The following RGSL1 variants were observed in gnomAD, a reference collection of about 807,000 sequenced individuals.
RGSL1 encodes regulator of G protein signaling like 1.
RGSL1 carries 97 observed loss-of-function variants against 124.7 expected under a neutral mutation model. The ratio of observed to expected loss-of-function variants is 0.78; its 90% CI spans 0.66 to 0.92. The LOEUF (loss-of-function observed/expected upper bound fraction) is 0.92. Among genes scored for constraint, RGSL1 ranks in the 40% least tolerant of loss-of-function variants. The pLI is 0.00. For missense variants in RGSL1, 1,233 were observed against 1,288.4 expected (o/e 0.96, Z 0.66); for synonymous variants, 424 against 438.1 (o/e 0.97, Z 0.40).
intron 2 of RGSL1, among the ~76,000 whole-genome samples, chr1:182,454,809 C>G (rs2101981180): frequency 1.3e-5 from 2 of 152,270 alleles, no homozygotes; most frequent in South Asian, 4.1e-4. Context: ...TTCTTAAACT[C>G]AAACCTGGAC....
rs1423343158 is a variant in RGSL1, at chr1:182,461,260, T to C, written c.301+1127T>C. Among the ~76,000 whole-genome samples the C allele has an allele frequency of 1.1e-4, 16 of 151,796 alleles. 1 individual carries two copies. Among genetic ancestry groups the C allele is most frequent in the Non-Finnish European group, 2.4e-4 (16 of 67,994 alleles). ...GAAAGTTGCAGGCTCAGAAAAGATA[T>C]AGGGAGATAAATTTATGCCTCAGGC... is the stretch of plus-strand genomic sequence containing the variant. On this transcript the variant is annotated intron_variant, in intron 4 of 21. Coordinates refer to ENST00000294854, the MANE Select transcript of RGSL1 (RefSeq NM_001137669.2).
chr1:182,463,658 C>T (rs1388768374), intron 4 of RGSL1, among the ~76,000 whole-genome samples: 1 of 151,958 alleles, frequency 6.6e-6, no homozygotes, highest in Non-Finnish European at 1.5e-5. Flanking sequence ...TTCAACATAT[C>T]AAGATGTAAC....
intron 6 of RGSL1, among the ~76,000 whole-genome samples, chr1:182,486,377 C>T (rs899886261): frequency 6.7e-6 from 1 of 148,184 alleles, no homozygotes; most frequent in African/African-American, 2.5e-5. Flanking sequence ...GTAGCACGAT[C>T]TTGGTTCACT....
chr1:182,545,773 T>C (rs75971453), intron 15 of RGSL1, among the ~76,000 whole-genome samples: 2,054 of 152,298 alleles, frequency 0.013, 38 homozygotes, highest in Middle Eastern at 0.071. Context: ...TGGTTTCCAT[T>C]GAGAAGTCTG....
chr1:182,556,632 T>C (rs965833654), intron 21 of RGSL1, among the ~76,000 whole-genome samples: 1 of 152,206 alleles, frequency 6.6e-6, no homozygotes, highest in Non-Finnish European at 1.5e-5. Context: ...GAACACACCA[T>C]TTCTGATTTT....
chr1:182,532,759 A>G lies in RGSL1; in HGVS notation c.2462A>G (p.Tyr821Cys), dbSNP rs367804901. ...AGTAAGCGCCAGGAATTTGAAGACTATCTTCACCAGGAAATGCAAAATAGC... is the reference window on the plus strand; with the variant it reads ...AGTAAGCGCCAGGAATTTGAAGACTGTCTTCACCAGGAAATGCAAAATAGC... ...NPSKRQEFED[Y>C]LHQEMQNSKE... Residue 821 changes from tyrosine (Y) to cysteine (C), a missense_variant, in exon 14 of 22, where the codon TAT (tyrosine) becomes TGT (cysteine). Coordinates refer to ENST00000294854, the MANE Select transcript of RGSL1 (RefSeq NM_001137669.2). 98 of 1,550,712 alleles carry G rather than the reference A, an allele frequency of 6.3e-5. 1 individual carries two copies. The highest frequency in any genetic ancestry group is 1.4e-4 in the Admixed American group (7 of 50,966).
In RGSL1 at chr1:182,560,394, T is replaced by C. The variant is rs1014080496; in HGVS notation, c.*281T>C. The C allele has an allele frequency of 1.3e-5, 2 of 152,204 alleles. No homozygotes were observed. Among genetic ancestry groups the C allele is most frequent in the African/African-American group, 4.8e-5 (2 of 41,434 alleles). 9.4% of individuals were successfully genotyped at this position (152,204 alleles called of 1,614,324 possible). On this transcript the variant is annotated 3_prime_UTR_variant, in exon 22 of 22. Coordinates refer to ENST00000294854, the MANE Select transcript of RGSL1 (RefSeq NM_001137669.2). The stretch of plus-strand genomic sequence containing the variant: ...TATATAGAAGCCTTTCTGATACATG[T>C]CAGAGAGTGACATGAAGTCTCCCCT...
intron 9 of RGSL1, among the ~76,000 whole-genome samples, chr1:182,506,429 T>G (rs1258206537): frequency 1.3e-5 from 2 of 152,186 alleles, no homozygotes; most frequent in East Asian, 3.8e-4. Flanking sequence ...TTTGCTTTAT[T>G]TGAGTCTACA....
rs151054019 is a variant in RGSL1, at chr1:182,469,998, T to C, written c.302-2398T>C. 2.6e-3 allele frequency among the ~76,000 whole-genome samples: 396 copies of C among 152,124 alleles called. 5 individuals carry two copies. Among genetic ancestry groups the C allele is most frequent in the African/African-American group, 8.8e-3 (367 of 41,508 alleles). On this transcript the variant is annotated intron_variant, in intron 4 of 21. Coordinates refer to ENST00000294854, the MANE Select transcript of RGSL1 (RefSeq NM_001137669.2). ...AAGTAGAATGGTGGTTGTCAGGAGC[T>C]GGGAGGAGGGGGGAAATAGGCAGTG...
chr1:182,535,763 G>T (rs541078399), intron 14 of RGSL1, among the ~76,000 whole-genome samples: 29 of 151,912 alleles, frequency 1.9e-4, no homozygotes, highest in African/African-American at 6.8e-4. Context: ...TTTTCTTCCC[G>T]TTTATTTTTA....
intron 10 of RGSL1, among the ~76,000 whole-genome samples, chr1:182,526,678 C>T (rs887255440): frequency 6.6e-6 from 1 of 151,876 alleles, no homozygotes; most frequent in Non-Finnish European, 1.5e-5. Flanking sequence ...CCTAGGAATA[C>T]AAGGAATGCA....
chr1:182,482,410 TA>T (rs149764486), intron 6 of RGSL1, among the ~76,000 whole-genome samples: 1 of 150,948 alleles, frequency 6.6e-6, no homozygotes, highest in Non-Finnish European at 1.5e-5. Flanking sequence ...AAATAAAAAA[TA>T]AAAAAAAGCA....
At chr1:182,538,993 C>G (rs1659722179) in intron 14 of RGSL1, among the ~76,000 whole-genome samples, 1 of 152,164 alleles carries the variant, frequency 6.6e-6, no homozygotes, top group African/African-American at 2.4e-5. Context: ...AAATATGATT[C>G]CCAGGTAATA....
intron 9 of RGSL1, among the ~76,000 whole-genome samples, chr1:182,499,074 C>T (rs1331914279): frequency 6.6e-6 from 1 of 152,094 alleles, no homozygotes; most frequent in Non-Finnish European, 1.5e-5. Flanking sequence ...ATTACAGGCG[C>T]GAGCCCCGGC....
intron 8 of RGSL1, among the ~76,000 whole-genome samples, chr1:182,492,297 C>A (rs886333766): frequency 6.6e-6 from 1 of 152,094 alleles, no homozygotes; most frequent in Non-Finnish European, 1.5e-5. Context: ...CCAGCCTGGG[C>A]AACATGGCAA....
chr1:182,460,712 G>T, intron 4 of RGSL1: 1 of 456,044 alleles, frequency 2.2e-6, no homozygotes, highest in Non-Finnish European at 4.4e-6. Context: ...CTAGGAATCT[G>T]TTTCCTCATC....
chr1:182,539,284 C>T (rs1659740241), intron 14 of RGSL1, among the ~76,000 whole-genome samples: 1 of 151,842 alleles, frequency 6.6e-6, no homozygotes. Context: ...CTTTTTTTCC[C>T]TTCAAACTCA....
chr1:182,459,306 T>A (rs547625294), intron 3 of RGSL1, among the ~76,000 whole-genome samples: 1 of 152,296 alleles, frequency 6.6e-6, no homozygotes, highest in Non-Finnish European at 1.5e-5. Context: ...TTTTCCACTA[T>A]GTAGACCTTA....
intron 6 of RGSL1, among the ~76,000 whole-genome samples, chr1:182,476,912 A>C (rs1430547148): frequency 6.6e-6 from 1 of 152,096 alleles, no homozygotes; most frequent in Non-Finnish European, 1.5e-5. Flanking sequence ...TTAAAGAGTC[A>C]CCTTTTCAGT....
Sources: gnomAD v4.1 joint callset for allele counts (sites outside exome capture counted in the v4.1 genomes callset) on GRCh38, gnomAD v4.1.1 for gene constraint, MANE v1.5 for transcripts, NCBI Gene and HGNC (gene_info 2026-07-23, HGNC 2026-07-21) for gene names.